RASSF8: variants seen among roughly 807,000 people sequenced by gnomAD.
RASSF8 encodes the protein ras association domain-containing protein 8.
RASSF8 carries 22 observed loss-of-function variants against 48.5 expected under a neutral mutation model. The observed-to-expected ratio is 0.45, with a 90% CI of 0.32 to 0.65. The LOEUF (loss-of-function observed/expected upper bound fraction) is 0.65, where lower values mean the gene tolerates loss of function less well. RASSF8 is among the 30% of genes least tolerant of loss of function. The pLI is 0.03. For missense variants in RASSF8, 418 were observed against 489.2 expected, an observed-to-expected ratio of 0.85 and a Z score of 1.37; for synonymous variants, 127 against 171.5, an observed-to-expected ratio of 0.74 and a Z score of 2.03.
intron 2 of RASSF8, among the ~76,000 whole-genome samples, chr12:26,046,232 A>G (rs1471972624): frequency 2.0e-5 from 3 of 152,216 alleles, no homozygotes; most frequent in Non-Finnish European, 4.4e-5. Flanking sequence ...TATAATTCCC[A>G]TGGTCACATT....
At chr12:26,054,101 A>G (rs369220437) in intron 2 of RASSF8, among the ~76,000 whole-genome samples, 8 of 152,358 alleles carry the variant, frequency 5.3e-5, no homozygotes, top group African/African-American at 1.4e-4. Context: ...AACAAATCCA[A>G]ATGTTCTCTT....
intron 1 of RASSF8, among the ~76,000 whole-genome samples, chr12:25,977,061 A>G (rs1451163801): frequency 1.3e-5 from 2 of 152,238 alleles, no homozygotes; most frequent in African/African-American, 2.4e-5. Flanking sequence ...ATTAACAGTC[A>G]TTGGAAATAA....
chr12:25,974,224 A>AT lies in RASSF8; in HGVS notation c.-203+15081dup, dbSNP rs572203926. ...TTTTATTTTGGCTAATATTAAACTGATTTTTCCTGATCATACAAGCGGAGG... is the reference window on the plus strand; with the variant it reads ...TTTTATTTTGGCTAATATTAAACTGATTTTTTCCTGATCATACAAGCGGAGG... On this transcript the variant is annotated intron_variant, in intron 1 of 5. Transcript: ENST00000689635. 5.1e-3 allele frequency among the ~76,000 whole-genome samples: 777 copies of AT among 152,118 alleles called. 3 individuals carry two copies. The highest frequency in any genetic ancestry group is 0.018 in the African/African-American group (736 of 41,468).
Position 26,009,942 on chromosome 12 carries a change from G to A in RASSF8, c.-109+14812G>A, listed in dbSNP as rs552021437. On this transcript the variant is annotated intron_variant, in intron 2 of 5. Transcript: ENST00000689635. ...GGAGGAGAGAGATCAGAAGAAGGCT[G>A]TTGTGTTTAAGATGGGTAAAATAGC... Among the ~76,000 whole-genome samples, 407 of 152,338 alleles carry A rather than the reference G, an allele frequency of 2.7e-3. 1 individual carries two copies. The highest frequency in any genetic ancestry group is 9.5e-3 in the African/African-American group (394 of 41,582).
At position 26,069,126 on chromosome 12, in the gene RASSF8, G is replaced by A. The variant is rs990337366; in HGVS notation, c.*308G>A. On this transcript the variant is annotated 3_prime_UTR_variant, in exon 6 of 6. Transcript: ENST00000689635. ...TATAGTGTGTATACATAAATAAGCC[G>A]TGACTTAAGTAAGAGTGAAGAGAAA... 68 of 997,516 alleles carry A rather than the reference G, an allele frequency of 6.8e-5. 1 individual carries two copies. In the South Asian group the frequency reaches 6.9e-4, roughly 10 times the overall value. 61.8% of individuals were successfully genotyped at this position (997,516 alleles called of 1,614,324 possible).
chr12:26,052,490 A>G (rs1451806594), intron 2 of RASSF8: 2 of 152,204 alleles, frequency 1.3e-5, no homozygotes, highest in African/African-American at 4.8e-5. Flanking sequence ...AGAGCCTTCT[A>G]TCTGCATCAC....
At position 26,064,635 on chromosome 12, in the gene RASSF8, G is replaced by A; in HGVS notation, c.241G>A (p.Gly81Arg). The A allele has an allele frequency of 1.2e-6, 2 of 1,614,142 alleles. No homozygotes were observed. Among genetic ancestry groups the A allele is most frequent in the South Asian group, 2.2e-5 (2 of 91,080 alleles). The change falls in exon 4 of 6, where the codon GGG becomes AGG. Residue 81 changes from glycine (G) to arginine (R), a missense_variant. Physicochemically the swap from Gly to Arg is moderately radical, Grantham distance 125. Coordinates refer to ENST00000689635, the MANE Select transcript of RASSF8 (RefSeq NM_001394098.1). Reference protein sequence around the residue: ...SDVQLILRRTGPSLSERPTSD... With the variant: ...SDVQLILRRTRPSLSERPTSD... ...TGTGCAGCTCATTCTACGACGAACT[G>A]GGCCGTCTCTCAGTGAGCGACCCAC...
intron 3 of RASSF8, among the ~76,000 whole-genome samples, chr12:26,056,860 T>C (rs539633473): frequency 2.4e-4 from 37 of 152,240 alleles, no homozygotes; most frequent in Non-Finnish European, 4.4e-4. Flanking sequence ...TCATATTCTT[T>C]CTATGAGCTT....
intron 1 of RASSF8, among the ~76,000 whole-genome samples, chr12:25,960,024 C>T (rs1374996209): frequency 6.6e-6 from 1 of 151,566 alleles, no homozygotes; most frequent in Non-Finnish European, 1.5e-5. Context: ...TTAGCCCTGT[C>T]AGGTTAGCAT....
chr12:26,068,770 G>A lies in RASSF8; in HGVS notation c.1212G>A (p.Leu404=). ...AGCTCCCCAGTAATCTCCGCATTCT[G>A]CAGAATCCTATCTCATCTGGTTTTA... ...SRQLPSNLRI[L]QNPISSGFNP... The change falls in exon 6 of 6, where the codon CTG becomes CTA. Residue 404 remains leucine, a synonymous_variant. Transcript: ENST00000689635. The A allele has an allele frequency of 2.0e-6, 3 of 1,537,160 alleles. No homozygotes were observed. Among genetic ancestry groups the A allele is most frequent in the African/African-American group, 1.4e-5 (1 of 73,144 alleles).
At chr12:26,038,064 G>A (rs1279753723) in intron 2 of RASSF8, among the ~76,000 whole-genome samples, 1 of 152,184 alleles carries the variant, frequency 6.6e-6, no homozygotes, top group Non-Finnish European at 1.5e-5. Flanking sequence ...CCCCATCACA[G>A]TCATATTGAG....
chr12:25,966,172 T>G (rs1387975979), intron 1 of RASSF8, among the ~76,000 whole-genome samples: 1 of 152,228 alleles, frequency 6.6e-6, no homozygotes, highest in Non-Finnish European at 1.5e-5. Flanking sequence ...AACATGCTGT[T>G]TCCTTTGCAT....
intron 2 of RASSF8, among the ~76,000 whole-genome samples, chr12:26,019,834 T>C (rs1290323729): frequency 1.3e-5 from 2 of 152,178 alleles, no homozygotes; most frequent in East Asian, 3.8e-4. Flanking sequence ...TTTTAAACTG[T>C]GACTTAGATA....
rs1039000471 is a variant in RASSF8, at chr12:26,024,834, G to A, written c.-109+29704G>A. 4.6e-5 allele frequency among the ~76,000 whole-genome samples: 7 copies of A among 152,022 alleles called. No homozygotes were observed. The East Asian group carries it at 1.4e-3, about 29-fold the overall frequency. ...TAGCCGGGCGTGGTGGCGGGCGCCT[G>A]TAGCCCCAGCTACTTGGGAGGCTGA... On this transcript the variant is annotated intron_variant, in intron 2 of 5. Coordinates refer to ENST00000689635, the MANE Select transcript of RASSF8 (RefSeq NM_001394098.1).
chr12:25,981,001 A>G (rs1478414562), intron 1 of RASSF8, among the ~76,000 whole-genome samples: 2 of 152,142 alleles, frequency 1.3e-5, no homozygotes, highest in Non-Finnish European at 2.9e-5. Flanking sequence ...TATGGGCAGT[A>G]TAAGGAGATA....
intron 2 of RASSF8, among the ~76,000 whole-genome samples, chr12:26,044,944 A>G (rs1345327723): frequency 6.6e-6 from 1 of 152,220 alleles, no homozygotes; most frequent in Non-Finnish European, 1.5e-5. Flanking sequence ...ATTACAGTGA[A>G]TAATGAGCCT....
At chr12:26,019,079 GAGT>G (rs1377998535) in intron 2 of RASSF8, among the ~76,000 whole-genome samples, 1 of 152,208 alleles carries the variant, frequency 6.6e-6, no homozygotes, top group Non-Finnish European at 1.5e-5. Context: ...AAAGGTGACT[GAGT>G]AGTTAGTTGG....
chr12:26,019,439 T>C (rs970885261), intron 2 of RASSF8, among the ~76,000 whole-genome samples: 21 of 152,206 alleles, frequency 1.4e-4, no homozygotes, highest in Non-Finnish European at 2.8e-4. Flanking sequence ...TGTAGTCTCA[T>C]TACATTACAG....
intron 1 of RASSF8, among the ~76,000 whole-genome samples, chr12:25,978,806 C>T (rs1393330610): frequency 6.6e-6 from 1 of 151,452 alleles, no homozygotes; most frequent in African/African-American, 2.4e-5. Flanking sequence ...AGCTGAGAGA[C>T]CAGAAGGTAG....
Sources: gnomAD v4.1 joint callset for allele counts (sites outside exome capture counted in the v4.1 genomes callset) on GRCh38, gnomAD v4.1.1 for gene constraint, MANE v1.5 for transcripts, NCBI Gene and HGNC (gene_info 2026-07-23, HGNC 2026-07-21) for gene names.